Variants in PKNOX2 observed in about 807,000 individuals in gnomAD.
The protein encoded by PKNOX2 is PBX/knotted 1 homeobox 2.
Under a neutral mutation model 53.1 loss-of-function variants are expected in PKNOX2, and 14 were observed. The ratio of observed to expected loss-of-function variants is 0.26; its 90% CI spans 0.17 to 0.41. The LOEUF (loss-of-function observed/expected upper bound fraction) is 0.41, where lower values mean the gene tolerates loss of function less well. PKNOX2 is among the 10% of genes least tolerant of loss of function. The pLI, the probability that PKNOX2 is intolerant of heterozygous loss-of-function variation, is 1.00. For missense variants in PKNOX2, 496 were observed against 602.8 expected (o/e 0.82, Z 1.85); for synonymous variants, 257 against 242.8 (o/e 1.06, Z -0.54).
chr11:125,382,483 G>A (rs1213747241), intron 5 of PKNOX2, among the ~76,000 whole-genome samples: 1 of 152,230 alleles, frequency 6.6e-6, no homozygotes, highest in Non-Finnish European at 1.5e-5. Flanking sequence ...GTAATTTAGT[G>A]CCCTTGTACA....
intron 10 of PKNOX2, among the ~76,000 whole-genome samples, chr11:125,413,930 C>A (rs553314247): frequency 6.6e-6 from 1 of 152,300 alleles, no homozygotes; most frequent in South Asian, 2.1e-4. Context: ...ACTCTCCTCA[C>A]CCTATCTGTG....
At chr11:125,402,580 C>T (rs1251321511) in intron 7 of PKNOX2, among the ~76,000 whole-genome samples, 1 of 152,158 alleles carries the variant, frequency 6.6e-6, no homozygotes, top group Non-Finnish European at 1.5e-5. Flanking sequence ...CAGACACAAG[C>T]CATTGTCCAA....
At chr11:125,189,447 G>GTGTGTGTATA (rs1256963392) in intron 1 of PKNOX2, among the ~76,000 whole-genome samples, 3 of 23,460 alleles carry the variant, frequency 1.3e-4, no homozygotes, top group African/African-American at 4.7e-4. Flanking sequence ...GTGTGTGTGT[G>GTGTGTGTATA]TATATATATA....
chr11:125,237,892 A>G (rs1040178240), intron 2 of PKNOX2, among the ~76,000 whole-genome samples: 1 of 152,106 alleles, frequency 6.6e-6, no homozygotes, highest in Non-Finnish European at 1.5e-5. Flanking sequence ...CTCCATCCCC[A>G]TGGACTTCTA....
chr11:125,227,373 C>T (rs993447708), intron 1 of PKNOX2, among the ~76,000 whole-genome samples: 1 of 152,208 alleles, frequency 6.6e-6, no homozygotes, highest in African/African-American at 2.4e-5. Flanking sequence ...AACAACTCCC[C>T]AGTCCCTCAT....
chr11:125,422,659 C>T lies in PKNOX2; in HGVS notation c.937-6353C>T, dbSNP rs1956228474. Reference sequence around the variant, plus strand: ...GAAAAGGGAAGGTGTGCAAGAGACCCCTGGGTTGCACTGAGCCCCAGGACA... The same window carrying T: ...GAAAAGGGAAGGTGTGCAAGAGACCTCTGGGTTGCACTGAGCCCCAGGACA... On this transcript the variant is annotated intron_variant, in intron 10 of 12. Transcript: ENST00000298282. The surrounding 1 kb of genome is among the most constrained non-coding windows in gnomAD (Gnocchi z 4.1). Among the ~76,000 whole-genome samples the T allele has an allele frequency of 1.3e-5, 2 of 152,130 alleles. No homozygotes were observed. Among genetic ancestry groups the T allele is most frequent in the African/African-American group, 4.8e-5 (2 of 41,420 alleles).
intron 1 of PKNOX2, among the ~76,000 whole-genome samples, chr11:125,203,015 A>G (rs1324136741): frequency 1.3e-5 from 2 of 152,080 alleles, no homozygotes; most frequent in Non-Finnish European, 2.9e-5. Flanking sequence ...CTTCATTTTA[A>G]TTCTTATTGG....
At chr11:125,167,193 G>T (rs368310748) in intron 1 of PKNOX2, among the ~76,000 whole-genome samples, 2 of 151,122 alleles carry the variant, frequency 1.3e-5, no homozygotes, top group Admixed American at 6.6e-5. Context: ...AGTGTGTGTG[G>T]GGGGTGGGAG....
chr11:125,178,244 G>A (rs1157398760), intron 1 of PKNOX2, among the ~76,000 whole-genome samples: 1 of 151,402 alleles, frequency 6.6e-6, no homozygotes, highest in Non-Finnish European at 1.5e-5. Flanking sequence ...GCACGTGGTG[G>A]CTTATGCCTC....
intron 7 of PKNOX2, among the ~76,000 whole-genome samples, chr11:125,404,299 AG>A (rs1204518337): frequency 6.6e-6 from 1 of 152,248 alleles, no homozygotes; most frequent in African/African-American, 2.4e-5. Flanking sequence ...CTTTGCCGCC[AG>A]GCTAGTGAAA....
rs754032424 is a variant in PKNOX2 at position 125,410,196 on chromosome 11, G to A, written c.589G>A (p.Asp197Asn). The A allele has an allele frequency of 3.1e-6, 5 of 1,613,842 alleles. No individual in the cohort carries two copies. Among genetic ancestry groups the A allele is most frequent in the Non-Finnish European group, 4.2e-6 (5 of 1,179,864 alleles). The change falls in exon 8 of 13, where the codon GAC becomes AAC. Residue 197 changes from aspartate to asparagine, a missense_variant and splice_region_variant. Asp to Asn is a conservative substitution (Grantham distance 23). Around this residue, in one of 5 missense-constraint regions of PKNOX2, gnomAD observed 141 missense variants for 143.9 expected, o/e 0.98. Coordinates refer to ENST00000298282, the MANE Select transcript of PKNOX2 (RefSeq NM_001382323.2). The stretch of plus-strand genomic sequence containing the variant: ...CAAACCACGCCTCCCTCACTGCCAG[G>A]ACCTCCTGCAGAATTCCCCCAATTC... ...NQPSINLHSQ[D>N]LLQNSPNSMS...
chr11:125,347,614 G>A (rs1387108493), intron 3 of PKNOX2, among the ~76,000 whole-genome samples: 1 of 152,062 alleles, frequency 6.6e-6, no homozygotes, highest in Non-Finnish European at 1.5e-5. Context: ...ATTTCCTAAA[G>A]GGGTGTGCTT....
intron 7 of PKNOX2, among the ~76,000 whole-genome samples, chr11:125,407,219 T>C (rs1234547152): frequency 6.6e-6 from 1 of 152,124 alleles, no homozygotes; most frequent in East Asian, 1.9e-4. Context: ...ATCCAATGCA[T>C]AAATTGCCCT....
chr11:125,337,804 G>A (rs2136137905), intron 3 of PKNOX2, among the ~76,000 whole-genome samples: 1 of 152,256 alleles, frequency 6.6e-6, no homozygotes, highest in South Asian at 2.1e-4. Flanking sequence ...AGTAAATGAG[G>A]CCTGGATTTG....
In PKNOX2 at chr11:125,430,113, G is replaced by C; in HGVS notation, c.1164G>C (p.Gln388His). Residue 388 changes from glutamine to histidine, a missense_variant, in exon 12 of 13, where the codon CAG becomes CAC. Physicochemically the swap from Gln to His is conservative, Grantham distance 24. Around this residue, in one of 5 missense-constraint regions of PKNOX2, gnomAD observed 139 missense variants for 161.3 expected, o/e 0.86. Coordinates refer to ENST00000298282, the MANE Select transcript of PKNOX2 (RefSeq NM_001382323.2). ...TCGCTGCGGGGGTGCTGCAGCAGCA[G>C]GGCGGTGCCCCAGGGACAAACCCCG... is the stretch of plus-strand genomic sequence containing the variant. ...NSIAAGVLQQ[Q>H]GGAPGTNPDG... is the part of the protein sequence containing the mutation. 1 of 1,614,122 alleles carries C rather than the reference G, an allele frequency of 6.2e-7. No individual in the cohort carries two copies. Among genetic ancestry groups the C allele is most frequent in the Non-Finnish European group, 8.5e-7 (1 of 1,179,982 alleles).
chr11:125,361,254 C>T (rs573427009), intron 4 of PKNOX2, among the ~76,000 whole-genome samples: 10 of 152,276 alleles, frequency 6.6e-5, no homozygotes, highest in East Asian at 1.9e-4. Context: ...AGGAGGGAGG[C>T]GAGTGAGCAG....
intron 9 of PKNOX2, chr11:125,411,503 T>TCTCTCTCC (rs1955531065): frequency 3.4e-5 from 15 of 440,774 alleles, no homozygotes; most frequent in African/African-American, 2.8e-4. Flanking sequence ...TCTCTCTCTC[T>TCTCTCTCC]CTCTCTCCCC....
Position 125,227,182 on chromosome 11 carries a change from C to T in PKNOX2, c.-200-7863C>T, listed in dbSNP as rs77349996. On this transcript the variant is annotated intron_variant, in intron 1 of 12. Transcript: ENST00000298282. ...CCTGATAGCTCTCAATGACACCCTG[C>T]GCTGGCTGTCCTGGAGTCACCTGGG... Among the ~76,000 whole-genome samples the T allele has an allele frequency of 2.0e-3, 309 of 152,242 alleles. 1 individual carries two copies. Among genetic ancestry groups the T allele is most frequent in the East Asian group, 4.2e-3 (22 of 5,188 alleles).
intron 7 of PKNOX2, among the ~76,000 whole-genome samples, chr11:125,404,885 G>A (rs1305803708): frequency 6.6e-6 from 1 of 152,178 alleles, no homozygotes; most frequent in Non-Finnish European, 1.5e-5. Context: ...TCCAGAGGAC[G>A]GGCCGCGGCT....
Sources: allele counts gnomAD v4.1 joint callset (sites outside exome capture counted in the v4.1 genomes callset), GRCh38; gene constraint gnomAD v4.1.1; regional missense constraint gnomAD v4.1.1; non-coding constraint Gnocchi (gnomAD v3.1); transcripts MANE v1.5; gene names NCBI Gene and HGNC (gene_info 2026-07-23, HGNC 2026-07-21).